Variants in FDX1 observed in about 807,000 individuals in gnomAD.
FDX1 encodes the protein adrenodoxin, mitochondrial.
FDX1 carries 9 observed loss-of-function variants against 14.9 expected under a neutral mutation model. The observed-to-expected ratio is 0.60, with a 90% CI of 0.36 to 1.05. The LOEUF is 1.05. Ranked by LOEUF, FDX1 falls within the 50% of genes least tolerant of loss-of-function variation. The pLI is 0.01. For missense variants in FDX1, 204 were observed against 237.2 expected (o/e 0.86, Z 0.92); for synonymous variants, 92 against 99.4 (o/e 0.93, Z 0.44).
At chr11:110,440,922 C>G (rs568412308) in intron 2 of FDX1, among the ~76,000 whole-genome samples, 5 of 152,320 alleles carry the variant, frequency 3.3e-5, no homozygotes, top group Admixed American at 2.0e-4. Flanking sequence ...ACACCCAAAT[C>G]TCATCTTGAA....
intron 2 of FDX1, among the ~76,000 whole-genome samples, chr11:110,436,883 A>G (rs1041851653): frequency 3.3e-5 from 5 of 152,048 alleles, no homozygotes; most frequent in East Asian, 1.9e-4. Context: ...GAGAATGGCT[A>G]TCTTTCTTAT....
intron 2 of FDX1, among the ~76,000 whole-genome samples, chr11:110,446,088 C>T (rs1180051370): frequency 3.3e-5 from 5 of 152,072 alleles, no homozygotes; most frequent in African/African-American, 1.2e-4. Context: ...CCTGACATGT[C>T]CACAAATCTT....
In FDX1 at chr11:110,463,160, G is replaced by C. The variant is rs575195279; in HGVS notation, c.*692G>C. On this transcript the variant is annotated 3_prime_UTR_variant, in exon 4 of 4. Coordinates refer to ENST00000260270, the MANE Select transcript of FDX1 (RefSeq NM_004109.5). ...TAAACTAGAGGAAAAATGATTGGAT[G>C]TGTTTATTCTTTTCTAAGCAGAATG... The C allele has an allele frequency of 1.3e-5, 2 of 152,232 alleles. No homozygotes were observed. The highest frequency in any genetic ancestry group is 4.8e-5 in the African/African-American group (2 of 41,464). The allele number at this position is 152,232 out of a possible 1,614,324, so 9.4% of individuals were successfully genotyped here.
chr11:110,437,273 C>T (rs1437423925), intron 2 of FDX1, among the ~76,000 whole-genome samples: 4 of 152,152 alleles, frequency 2.6e-5, no homozygotes, highest in Non-Finnish European at 5.9e-5. Context: ...GCATTACAGG[C>T]GTGAGCCACC....
intron 2 of FDX1, among the ~76,000 whole-genome samples, chr11:110,455,071 A>G (rs1591254015): frequency 6.6e-6 from 1 of 152,154 alleles, no homozygotes; most frequent in South Asian, 2.1e-4. Flanking sequence ...CAGTGGGGCA[A>G]TCTCGGCTCA....
chr11:110,446,858 T>C (rs1188440907), intron 2 of FDX1, among the ~76,000 whole-genome samples: 5 of 152,134 alleles, frequency 3.3e-5, no homozygotes, highest in Admixed American at 3.3e-4. Flanking sequence ...CTAACAGAAA[T>C]CAGACATGTC....
At chr11:110,433,251 C>T (rs1183202084) in intron 1 of FDX1, among the ~76,000 whole-genome samples, 1 of 152,238 alleles carries the variant, frequency 6.6e-6, no homozygotes, top group Non-Finnish European at 1.5e-5. Flanking sequence ...GACTTCTCTG[C>T]TGGGCTCAGA....
chr11:110,462,379 T>G lies in FDX1; in HGVS notation c.466T>G (p.Leu156Val), dbSNP rs1339875735. 2.5e-6 allele frequency: 4 copies of G among 1,611,344 alleles called. No individual in the cohort carries two copies. Among genetic ancestry groups the G allele is most frequent in the Non-Finnish European group, 3.4e-6 (4 of 1,177,816 alleles). ...DRSRLGCQIC[L>V]TKSMDNMTVR... ...ATCACGGTTGGGCTGCCAAATCTGT[T>G]TGACAAAATCTATGGACAATATGAC... Residue 156 changes from leucine (L) to valine (V), a missense_variant, in exon 4 of 4, where the codon TTG becomes GTG. Coordinates refer to ENST00000260270, the MANE Select transcript of FDX1 (RefSeq NM_004109.5).
intron 2 of FDX1, among the ~76,000 whole-genome samples, chr11:110,445,756 A>C (rs1263703486): frequency 6.6e-6 from 1 of 152,190 alleles, no homozygotes; most frequent in Non-Finnish European, 1.5e-5. Context: ...TTTCATCTGT[A>C]AAGCAGGGAT....
intron 1 of FDX1, among the ~76,000 whole-genome samples, chr11:110,431,613 G>T (rs1247865003): frequency 8.5e-5 from 13 of 152,144 alleles, no homozygotes. Context: ...TGGGTACCTT[G>T]CTTTCTGTTA....
At chr11:110,457,142 AGT>A in intron 3 of FDX1, 95 bp downstream of exon 3, 1 of 1,088,878 alleles carries the variant, frequency 9.2e-7, no homozygotes, top group Non-Finnish European at 1.3e-6. Flanking sequence ...TAAATGTAAT[AGT>A]GTTCTACCAG....
At chr11:110,460,496 A>G (rs1946549897) in intron 3 of FDX1, among the ~76,000 whole-genome samples, 1 of 152,212 alleles carries the variant, frequency 6.6e-6, no homozygotes, top group African/African-American at 2.4e-5. Flanking sequence ...TTTATCTTGT[A>G]CTAAATAGTA....
chr11:110,456,633 AG>A (rs1231311624), intron 2 of FDX1, among the ~76,000 whole-genome samples: 4 of 144,210 alleles, frequency 2.8e-5, no homozygotes, highest in African/African-American at 5.2e-5. Flanking sequence ...CAGCTTCCCT[AG>A]TAGCTGGGAC....
upstream of FDX1, chr11:110,429,906 C>A (rs551378939): frequency 1.6e-4 from 54 of 339,232 alleles, no homozygotes; most frequent in African/African-American, 9.9e-4. Context: ...GGGGCGGGGC[C>A]GCGCTCTGCT....
intron 2 of FDX1, among the ~76,000 whole-genome samples, chr11:110,441,686 A>G (rs1475542732): frequency 1.3e-5 from 2 of 152,230 alleles, no homozygotes; most frequent in East Asian, 3.8e-4. Flanking sequence ...GAAACAGCAT[A>G]AAAAAGTTTG....
At chr11:110,447,199 A>T (rs1400221842) in intron 2 of FDX1, among the ~76,000 whole-genome samples, 1 of 138,740 alleles carries the variant, frequency 7.2e-6, no homozygotes, top group African/African-American at 2.7e-5. Flanking sequence ...AAAAACCGAG[A>T]TGGGCGGATC....
chr11:110,462,046 A>G (rs1429295651), intron 3 of FDX1, among the ~76,000 whole-genome samples: 1 of 152,080 alleles, frequency 6.6e-6, no homozygotes, highest in Non-Finnish European at 1.5e-5. Context: ...GTGCCTTCTG[A>G]TTGTTTCCTT....
chr11:110,450,976 A>G (rs59834028), intron 2 of FDX1, among the ~76,000 whole-genome samples: 21,735 of 152,084 alleles, frequency 0.14, 1,698 homozygotes, highest in East Asian at 0.25. Context: ...TCATTCCTTC[A>G]TATACATCAT....
intron 2 of FDX1, among the ~76,000 whole-genome samples, chr11:110,443,712 A>G (rs1476129810): frequency 2.0e-5 from 3 of 151,988 alleles, no homozygotes; most frequent in Non-Finnish European, 2.9e-5. Flanking sequence ...CCAAAGTGCT[A>G]GAATTACAGG....
Sources: gnomAD v4.1 joint callset for allele counts (sites outside exome capture counted in the v4.1 genomes callset) on GRCh38, gnomAD v4.1.1 for gene constraint, MANE v1.5 for transcripts, NCBI Gene and HGNC (gene_info 2026-07-23, HGNC 2026-07-21) for gene names.